The following SIPA1L3 variants were observed in gnomAD, a reference collection of about 807,000 sequenced individuals.
The protein encoded by SIPA1L3 is signal-induced proliferation-associated 1-like protein 3.
Under a neutral mutation model 150.1 loss-of-function variants are expected in SIPA1L3, and 59 were observed. The observed-to-expected ratio is 0.39, with a 90% CI of 0.32 to 0.49. The LOEUF (loss-of-function observed/expected upper bound fraction) is 0.49. Among genes scored for constraint, SIPA1L3 ranks in the 20% least tolerant of loss-of-function variants. The probability of loss-of-function intolerance (pLI) is 0.86; values close to 1 mark genes in which losing one functional copy is unlikely to be tolerated. For missense variants in SIPA1L3, 2,211 were observed against 2,489.5 expected, an observed-to-expected ratio of 0.89 and a Z score of 2.38; for synonymous variants, 1,070 against 1,077.6, an observed-to-expected ratio of 0.99 and a Z score of 0.14.
chr19:38,041,340 A>G (rs919004220), intron 2 of SIPA1L3, among the ~76,000 whole-genome samples: 2 of 123,478 alleles, frequency 1.6e-5, no homozygotes, highest in Non-Finnish European at 3.2e-5. Flanking sequence ...GTGCTATGTC[A>G]TGATCTGAGC....
chr19:38,018,799 T>C (rs1001527665), intron 1 of SIPA1L3, among the ~76,000 whole-genome samples: 2 of 152,136 alleles, frequency 1.3e-5, no homozygotes, highest in Non-Finnish European at 2.9e-5. Context: ...TTTACTCTGG[T>C]CCCCTAGTCT....
chr19:37,989,866 C>T (rs1404265819), intron 1 of SIPA1L3, among the ~76,000 whole-genome samples: 1 of 152,052 alleles, frequency 6.6e-6, no homozygotes, highest in Admixed American at 6.6e-5. Flanking sequence ...TACATCATTG[C>T]ACTGCTTGTT....
In SIPA1L3 at chr19:38,192,327, C is replaced by T; in HGVS notation, c.4596+17C>T. ...GACACGGGAGTACGTAGGGCCCTGT[C>T]CCCCGCTCCCGACCCCCAGCTCCCA... is the stretch of plus-strand genomic sequence containing the variant. On this transcript the variant is annotated intron_variant, in intron 17 of 21. Coordinates refer to ENST00000222345, the MANE Select transcript of SIPA1L3 (RefSeq NM_015073.3). 2 of 1,569,266 alleles carry T rather than the reference C, an allele frequency of 1.3e-6. No homozygotes were observed. The highest frequency in any genetic ancestry group is 1.7e-6 in the Non-Finnish European group (2 of 1,159,614).
At chr19:37,923,877 AG>A (rs2046478199) in intron 1 of SIPA1L3, among the ~76,000 whole-genome samples, 1 of 151,908 alleles carries the variant, frequency 6.6e-6, no homozygotes, top group African/African-American at 2.4e-5. Flanking sequence ...CTTCTGCCTC[AG>A]TCTCCCCAGT....
chr19:38,186,318 T>C (rs955724335), intron 16 of SIPA1L3: 12 of 152,004 alleles, frequency 7.9e-5, no homozygotes, highest in African/African-American at 2.7e-4. Flanking sequence ...ATTTATTTTA[T>C]TTATTTATTT....
In SIPA1L3 at chr19:38,206,391, G is replaced by A. The variant is rs575351820; in HGVS notation, c.*151G>A. ...CACGGAAACTCCGATGGCCTCACTA[G>A]GGCTGTGAGTCAGGGTCAGCGCGCA... On this transcript the variant is annotated 3_prime_UTR_variant, in exon 22 of 22. Transcript: ENST00000222345. 4.8e-5 allele frequency: 45 copies of A among 932,776 alleles called. No homozygotes were observed. In the African/African-American group the frequency reaches 5.2e-4, roughly 11 times the overall value. The allele number at this position is 932,776 out of a possible 1,614,324, so 57.8% of individuals were successfully genotyped here. A position where few individuals can be genotyped will look rare whatever the true frequency, so the allele number is the denominator to read the frequency against.
chr19:38,084,229 G>A (rs1037607869), intron 3 of SIPA1L3, among the ~76,000 whole-genome samples: 3 of 152,134 alleles, frequency 2.0e-5, no homozygotes, highest in African/African-American at 7.2e-5. Context: ...CAGAGAAAAA[G>A]AGGAAAGGGT....
At chr19:38,005,951 G>C (rs1182287741) in intron 1 of SIPA1L3, among the ~76,000 whole-genome samples, 1 of 152,216 alleles carries the variant, frequency 6.6e-6, no homozygotes, top group African/African-American at 2.4e-5. Flanking sequence ...GGGAGGCTGA[G>C]GGGGGAAGAT....
At chr19:38,077,473 G>T (rs1311948052) in intron 2 of SIPA1L3, among the ~76,000 whole-genome samples, 1 of 151,480 alleles carries the variant, frequency 6.6e-6, no homozygotes. Flanking sequence ...TAATAAAAAT[G>T]AATAAGAAAA....
At chr19:38,005,167 A>G (rs896015508) in intron 1 of SIPA1L3, among the ~76,000 whole-genome samples, 1 of 151,558 alleles carries the variant, frequency 6.6e-6, no homozygotes, top group African/African-American at 2.4e-5. Flanking sequence ...CGTGCCTACT[A>G]TAACATCTTC....
At chr19:38,033,963 T>G (rs538832128) in intron 2 of SIPA1L3, among the ~76,000 whole-genome samples, 2 of 152,248 alleles carry the variant, frequency 1.3e-5, no homozygotes, top group African/African-American at 4.8e-5. Context: ...TCACTGCAGC[T>G]TGATTGAATG....
chr19:37,956,592 T>C (rs976550132), intron 1 of SIPA1L3, among the ~76,000 whole-genome samples: 1 of 151,082 alleles, frequency 6.6e-6, no homozygotes, highest in Non-Finnish European at 1.5e-5. Flanking sequence ...CAAGCAATTC[T>C]CCTGCCTCAG....
chr19:38,177,146 G>A (rs1483087510), intron 15 of SIPA1L3, among the ~76,000 whole-genome samples: 2 of 152,022 alleles, frequency 1.3e-5, no homozygotes, highest in Non-Finnish European at 2.9e-5. Flanking sequence ...CAGATCATGA[G>A]GTCAGGAGAT....
intron 1 of SIPA1L3, among the ~76,000 whole-genome samples, chr19:37,991,632 C>T (rs116827906): frequency 1.9e-4 from 29 of 152,330 alleles, no homozygotes; most frequent in African/African-American, 5.5e-4. Flanking sequence ...TGGCAGGGAC[C>T]GTGCAGAGTC....
chr19:38,002,118 G>A (rs927537892), intron 1 of SIPA1L3, among the ~76,000 whole-genome samples: 1 of 152,208 alleles, frequency 6.6e-6, no homozygotes, highest in Non-Finnish European at 1.5e-5. Context: ...CATGCACATG[G>A]TTGTGCATCC....
At chr19:37,907,850 CTTAG>C (rs955118569) in intron 1 of SIPA1L3, 18 of 152,170 alleles carry the variant, frequency 1.2e-4, no homozygotes, top group African/African-American at 3.1e-4. Flanking sequence ...GAGGTGAGTC[CTTAG>C]TTAGCACCCA....
At chr19:38,096,955 T>A (rs1250105713) in intron 4 of SIPA1L3, among the ~76,000 whole-genome samples, 2 of 152,212 alleles carry the variant, frequency 1.3e-5, no homozygotes, top group East Asian at 3.8e-4. Flanking sequence ...GTTCTGGTGC[T>A]CATCAACAGT....
chr19:38,157,493 C>G (rs118040651), intron 13 of SIPA1L3, among the ~76,000 whole-genome samples: 2,097 of 152,282 alleles, frequency 0.014, 31 homozygotes, highest in Admixed American at 0.03. Flanking sequence ...ATAAGCTCCA[C>G]CCACAACCCC....
intron 1 of SIPA1L3, among the ~76,000 whole-genome samples, chr19:37,967,703 G>A (rs2046916467): frequency 6.6e-6 from 1 of 152,118 alleles, no homozygotes. Context: ...GAATTTTAGG[G>A]GGACACAGTT....
Sources: allele counts gnomAD v4.1 joint callset (sites outside exome capture counted in the v4.1 genomes callset), GRCh38; gene constraint gnomAD v4.1.1; transcripts MANE v1.5; gene names NCBI Gene and HGNC (gene_info 2026-07-23, HGNC 2026-07-21).